LRRC24: variants seen among roughly 807,000 people sequenced by gnomAD.
LRRC24 encodes leucine-rich repeat-containing protein 24.
In LRRC24, 19 loss-of-function variants were observed where a neutral mutation model predicts 15.3. That is an observed-to-expected ratio of 1.25 (90% CI 0.87 to 1.83). The LOEUF is 1.83. Among genes scored for constraint, LRRC24 ranks in the 40% most tolerant of loss-of-function variants. The pLI, the probability that LRRC24 is intolerant of heterozygous loss-of-function variation, is 0.00. For missense variants in LRRC24, 914 were observed against 723.9 expected, an observed-to-expected ratio of 1.26 and a Z score of -3.01; for synonymous variants, 469 against 359.6, an observed-to-expected ratio of 1.30 and a Z score of -3.44.
intron 1 of LRRC24, chr8:144,525,855 A>T (rs1043925259): frequency 6.6e-6 from 1 of 152,210 alleles, no homozygotes; most frequent in Non-Finnish European, 1.5e-5. Flanking sequence ...TGGCTTCCCA[A>T]GTGGGCTCTG....
Position 144,524,634 on chromosome 8 carries a change from T to C in LRRC24, c.245A>G (p.His82Arg), listed in dbSNP as rs1172740187. ...CTCCAGGGCGCGCAGGCTGTTGTTGTGCAGGTAGAGCCGGCGCAGAGCGGC... is the reference window on the plus strand; with the variant it reads ...CTCCAGGGCGCGCAGGCTGTTGTTGCGCAGGTAGAGCCGGCGCAGAGCGGC... ...PLAALRRLYLHNNSLRALEAG... is the reference protein window; with the variant it reads ...PLAALRRLYLRNNSLRALEAG... Residue 82 changes from histidine (H) to arginine (R), a missense_variant, in exon 3 of 5, where the codon CAC becomes CGC. His to Arg is a conservative substitution (Grantham distance 29). Coordinates refer to ENST00000529415, the MANE Select transcript of LRRC24 (RefSeq NM_001024678.4). The C allele has an allele frequency of 6.6e-7, 1 of 1,520,904 alleles. No homozygotes were observed. Among genetic ancestry groups the C allele is most frequent in the Non-Finnish European group, 8.8e-7 (1 of 1,142,456 alleles). The allele number at this position is 1,520,904 out of a possible 1,614,324, so 94.2% of individuals were successfully genotyped here. A position where few individuals can be genotyped will look rare whatever the true frequency, so the allele number is the denominator to read the frequency against.
In LRRC24 at chr8:144,523,336, G is replaced by T. The variant is rs546623578; in HGVS notation, c.681C>A (p.Leu227=). 3 of 1,592,400 alleles carry T rather than the reference G, an allele frequency of 1.9e-6. No individual in the cohort carries two copies. In the African/African-American group the frequency reaches 4.0e-5, roughly 21 times the overall value. The change falls in exon 5 of 5, where the codon CTC becomes CTA. Residue 227 remains leucine, a synonymous_variant. Transcript: ENST00000529415. The part of the protein sequence containing the change: ...AWIKEGGQRL[L]TSRDRKIMCA... The stretch of plus-strand genomic sequence containing the variant: ...ACATGATCTTCCTGTCCCTGGAGGT[G>T]AGCAGCCGCTGGCCGCCCTCCTTGA...
intron 4 of LRRC24, 55 bp downstream of exon 4, chr8:144,524,055 C>T: frequency 6.4e-7 from 1 of 1,568,352 alleles, no homozygotes; most frequent in Non-Finnish European, 8.7e-7. Flanking sequence ...CATGAGCCTG[C>T]TCCCTACTGC....
In LRRC24 at chr8:144,522,741, A is replaced by G; in HGVS notation, c.1276T>C (p.Cys426Arg). 8 of 1,589,260 alleles carry G rather than the reference A, an allele frequency of 5.0e-6. No individual in the cohort carries two copies. The highest frequency in any genetic ancestry group is 6.8e-6 in the Non-Finnish European group (8 of 1,169,754). ...LTALLLVAMI[C>R]RRRRRRKKAR... is the part of the protein sequence containing the mutation. ...TTTTTTCGCCTGCGGCGCCGGCGAC[A>G]GATCATGGCGACCAGGAGCAGCGCC... Residue 426 changes from cysteine to arginine, a missense_variant, in exon 5 of 5, where the codon TGT becomes CGT. By Grantham distance (180) the Cys-to-Arg change is radical. Coordinates refer to ENST00000529415, the MANE Select transcript of LRRC24 (RefSeq NM_001024678.4).
rs1380687106 is a variant in LRRC24, at chr8:144,523,163, C to A, written c.854G>T (p.Gly285Val). The A allele has an allele frequency of 6.2e-7, 1 of 1,610,586 alleles. No individual in the cohort carries two copies. Among genetic ancestry groups the A allele is most frequent in the Non-Finnish European group, 8.5e-7 (1 of 1,179,176 alleles). The stretch of plus-strand genomic sequence containing the variant: ...CCAGGTCACCAATGGCTGCGGGTAG[C>A]CGGAGGCTTGGCAGGCAACCCGCAG... ...EDLRVACQAS[G>V]YPQPLVTWRK... is the part of the protein sequence containing the mutation. The change falls in exon 5 of 5, where the codon GGC becomes GTC. Residue 285 changes from glycine to valine, a missense_variant. By Grantham distance (109) the Gly-to-Val change is moderately radical (BLOSUM62 -3). Coordinates refer to ENST00000529415, the MANE Select transcript of LRRC24 (RefSeq NM_001024678.4).
At position 144,522,655 on chromosome 8, in the gene LRRC24, A is replaced by C; in HGVS notation, c.1362T>G (p.Cys454Trp). The change falls in exon 5 of 5, where the codon TGT becomes TGG. Residue 454 changes from cysteine (C) to tryptophan (W), a missense_variant. Physicochemically the swap from Cys to Trp is radical, Grantham distance 215 (BLOSUM62 -2). Transcript: ENST00000529415. Reference protein sequence around the residue: ...LFVNDYLDGPCTFAQLEELRD... With the variant: ...LFVNDYLDGPWTFAQLEELRD... ...GGAGCTCCTCTAGCTGTGCGAACGT[A>C]CAGGGGCCGTCCAAGTAGTCGTTGA... 6.3e-7 allele frequency: 1 copy of C among 1,591,508 alleles called. No individual in the cohort carries two copies. The highest frequency in any genetic ancestry group is 1.1e-5 in the South Asian group (1 of 88,172).
chr8:144,523,305 C>T lies in LRRC24; in HGVS notation c.712G>A (p.Glu238Lys), dbSNP rs1488429462. 1 of 1,610,788 alleles carries T rather than the reference C, an allele frequency of 6.2e-7. No individual in the cohort carries two copies. The highest frequency in any genetic ancestry group is 8.5e-7 in the Non-Finnish European group (1 of 1,179,136). ...CTCTGGAGCGCCAGGCGCGGGGGCTCTGCACACATGATCTTCCTGTCCCTG... is the reference window on the plus strand; with the variant it reads ...CTCTGGAGCGCCAGGCGCGGGGGCTTTGCACACATGATCTTCCTGTCCCTG... Reference protein sequence around the residue: ...TSRDRKIMCAEPPRLALQSLL... With the variant: ...TSRDRKIMCAKPPRLALQSLL... Residue 238 changes from glutamate (E) to lysine (K), a missense_variant, in exon 5 of 5, where the codon GAG becomes AAG. Physicochemically the swap from Glu to Lys is moderately conservative, Grantham distance 56. Coordinates refer to ENST00000529415, the MANE Select transcript of LRRC24 (RefSeq NM_001024678.4).
Position 144,522,548 on chromosome 8 carries a change from T to A in LRRC24, c.1469A>T (p.Asp490Val). 1 of 1,532,434 alleles carries A rather than the reference T, an allele frequency of 6.5e-7. No individual in the cohort carries two copies. Among genetic ancestry groups the A allele is most frequent in the Non-Finnish European group, 8.8e-7 (1 of 1,141,910 alleles). The allele number at this position is 1,532,434 out of a possible 1,614,324, so 94.9% of individuals were successfully genotyped here. ...FAEGPAEAPADCGPEQGAGPG... is the reference protein window; with the variant it reads ...FAEGPAEAPAVCGPEQGAGPG... ...CCCCGCCCCCTGTTCCGGGCCGCAG[T>A]CAGCGGGCGCCTCCGCCGGACCCTC... Residue 490 changes from aspartate (D) to valine (V), a missense_variant, in exon 5 of 5, where the codon GAC becomes GTC. Transcript: ENST00000529415.
intron 4 of LRRC24, 150 bp downstream of exon 4, chr8:144,523,960 T>C: frequency 1.1e-6 from 1 of 891,844 alleles, no homozygotes; most frequent in Non-Finnish European, 1.7e-6. Context: ...GCACACCCAC[T>C]CCCGCAGCCC....
chr8:144,524,357 G>C (rs1480304809), intron 3 of LRRC24, 79 bp from the exon 4 acceptor site: 17 of 1,594,434 alleles, frequency 1.1e-5, no homozygotes, highest in Non-Finnish European at 1.4e-5. Context: ...AAGCTAGACT[G>C]GGTTGCCTTT....
In LRRC24 at chr8:144,524,447, G is replaced by A. The variant is rs1260820740; in HGVS notation, c.432C>T (p.His144=). The A allele has an allele frequency of 1.9e-6, 3 of 1,598,014 alleles. No homozygotes were observed. Among genetic ancestry groups the A allele is most frequent in the Non-Finnish European group, 1.7e-6 (2 of 1,179,858 alleles). ...TTAGACCCCAGGCGCTCACCGGCAG[G>A]TGCAAGAAGGTGAAATCCAGCAGCC... ...LARLLDFTFL[H]LPRLQELHLQ... The change falls in exon 3 of 5, where the codon CAC becomes CAT. Residue 144 remains histidine (H), a synonymous_variant. Coordinates refer to ENST00000529415, the MANE Select transcript of LRRC24 (RefSeq NM_001024678.4).
chr8:144,524,842 G>A lies in LRRC24; in HGVS notation c.133C>T (p.Pro45Ser). 2 of 1,482,658 alleles carry A rather than the reference G, an allele frequency of 1.3e-6. No homozygotes were observed. Among genetic ancestry groups the A allele is most frequent in the Non-Finnish European group, 1.8e-6 (2 of 1,116,420 alleles). The allele number at this position is 1,482,658 out of a possible 1,614,324, so 91.8% of individuals were successfully genotyped here. A position where few individuals can be genotyped will look rare whatever the true frequency, so the allele number is the denominator to read the frequency against. The change falls in exon 2 of 5, where the codon CCG (proline) becomes TCG (serine). Residue 45 changes from proline to serine, a missense_variant. By Grantham distance (74) the Pro-to-Ser change is moderately conservative (BLOSUM62 -1). Transcript: ENST00000529415. ...TGCGTCCCTGGCGGGATTCCCAGCG[G>A]GACGACGCGCAACCGCAGGGCGCCA... ...ECGALRLRVVPLGIPPGTQTL... is the reference protein window; with the variant it reads ...ECGALRLRVVSLGIPPGTQTL...
chr8:144,522,997 G>T lies in LRRC24; in HGVS notation c.1020C>A (p.Ala340=), dbSNP rs767587695. The T allele has an allele frequency of 7.3e-5, 117 of 1,595,708 alleles. No individual in the cohort carries two copies. In the Admixed American group the frequency reaches 2.0e-3, roughly 27 times the overall value. The change falls in exon 5 of 5, where the codon GCC becomes GCA. Residue 340 remains alanine, a synonymous_variant. Transcript: ENST00000529415. ...LFLSNITLAH[A]GKYECEASNA... ...TGGAGGCCTCGCACTCGTACTTACCGGCGTGCGCCAGCGTGATGTTGCTGA... is the reference window on the plus strand; with the variant it reads ...TGGAGGCCTCGCACTCGTACTTACCTGCGTGCGCCAGCGTGATGTTGCTGA...
In LRRC24 at chr8:144,522,536, T is replaced by C. The variant is rs13277542; in HGVS notation, c.1481A>G (p.Glu494Gly). ...PAEAPADCGP[E>G]QGAGPGLRVP... ...GCGGAGTCCCGGCCCCGCCCCCTGT[T>C]CCGGGCCGCAGTCAGCGGGCGCCTC... The change falls in exon 5 of 5, where the codon GAA becomes GGA. Residue 494 changes from glutamate (E) to glycine (G), a missense_variant. By Grantham distance (98) the Glu-to-Gly change is moderately conservative. Transcript: ENST00000529415. The C allele has an allele frequency of 9.6e-5, 146 of 1,520,616 alleles. No homozygotes were observed. Among genetic ancestry groups the C allele is most frequent in the Middle Eastern group, 3.5e-4 (2 of 5,680 alleles). 94.2% of individuals were successfully genotyped at this position (1,520,616 alleles called of 1,614,324 possible). A position where few individuals can be genotyped will look rare whatever the true frequency, so the allele number is the denominator to read the frequency against.
chr8:144,523,306 T>G lies in LRRC24; in HGVS notation c.711A>C (p.Ala237=). 1.9e-6 allele frequency: 3 copies of G among 1,610,818 alleles called. No homozygotes were observed. Among genetic ancestry groups the G allele is most frequent in the Non-Finnish European group, 2.5e-6 (3 of 1,179,048 alleles). Residue 237 remains alanine, a synonymous_variant, in exon 5 of 5, where the codon GCA becomes GCC. Coordinates refer to ENST00000529415, the MANE Select transcript of LRRC24 (RefSeq NM_001024678.4). The part of the protein sequence containing the change: ...LTSRDRKIMC[A]EPPRLALQSL... ...TCTGGAGCGCCAGGCGCGGGGGCTCTGCACACATGATCTTCCTGTCCCTGG... is the reference window on the plus strand; with the variant it reads ...TCTGGAGCGCCAGGCGCGGGGGCTCGGCACACATGATCTTCCTGTCCCTGG...
chr8:144,526,988 C>A lies in LRRC24; in HGVS notation c.-88G>T, dbSNP rs925785801. ...ACGCTCCCGCGGCGAGCGGCTCCCC[C>A]GCCGTGCAGGTGGCGGCCGGGCCCG... On this transcript the variant is annotated 5_prime_UTR_variant, in exon 1 of 5. Transcript: ENST00000529415. 1 of 153,194 alleles carries A rather than the reference C, an allele frequency of 6.5e-6. No homozygotes were observed. 9.5% of individuals were successfully genotyped at this position (153,194 alleles called of 1,614,324 possible).
In LRRC24 at chr8:144,522,603, C is replaced by G. The variant is rs1339711506; in HGVS notation, c.1414G>C (p.Val472Leu). The G allele has an allele frequency of 6.4e-7, 1 of 1,569,054 alleles. No homozygotes were observed. Among genetic ancestry groups the G allele is most frequent in the African/African-American group, 1.4e-5 (1 of 71,764 alleles). Residue 472 changes from valine (V) to leucine (L), a missense_variant, in exon 5 of 5, where the codon GTC (valine) becomes CTC (leucine). Coordinates refer to ENST00000529415, the MANE Select transcript of LRRC24 (RefSeq NM_001024678.4). ...LRDERGHEMFVINRSKPLFAE... is the reference protein window; with the variant it reads ...LRDERGHEMFLINRSKPLFAE... ...AAGAGCGGCTTGGAGCGGTTGATGACGAACATCTCGTGGCCGCGCTCGTCG... is the reference window on the plus strand; with the variant it reads ...AAGAGCGGCTTGGAGCGGTTGATGAGGAACATCTCGTGGCCGCGCTCGTCG...
At chr8:144,523,675 T>A in intron 4 of LRRC24, 1 of 453,336 alleles carries the variant, frequency 2.2e-6, no homozygotes, top group Non-Finnish European at 3.8e-6. Flanking sequence ...ACCTGCTCCT[T>A]AAGTCTTCCT....
In LRRC24 at chr8:144,524,142, G is replaced by C. The variant is rs751813960; in HGVS notation, c.575C>G (p.Pro192Arg). The C allele has an allele frequency of 1.2e-6, 2 of 1,607,452 alleles. No individual in the cohort carries two copies. The highest frequency in any genetic ancestry group is 1.7e-5 in the Admixed American group (1 of 59,914). The change falls in exon 4 of 5, where the codon CCC becomes CGC. Residue 192 changes from proline to arginine, a missense_variant. Pro to Arg is a moderately radical substitution (Grantham distance 103). Coordinates refer to ENST00000529415, the MANE Select transcript of LRRC24 (RefSeq NM_001024678.4). Reference protein sequence around the residue: ...LGTISREALQPLASLQVLRLT... With the variant: ...LGTISREALQRLASLQVLRLT... ...GCGCAGGACTTGCAGACTGGCCAGG[G>C]GCTGCAGGGCCTCTCGGCTGATGGT...
Sources: gnomAD v4.1 joint callset for allele counts on GRCh38, gnomAD v4.1.1 for gene constraint, MANE v1.5 for transcripts, NCBI Gene and HGNC (gene_info 2026-07-23, HGNC 2026-07-21) for gene names.